The following ANO10 variants were observed in gnomAD, a reference collection of about 807,000 sequenced individuals.
ANO10 encodes the protein anoctamin-10.
ANO10 carries 77 observed loss-of-function variants against 74.7 expected under a neutral mutation model. The observed-to-expected ratio is 1.03, with a 90% CI of 0.86 to 1.25. The LOEUF (loss-of-function observed/expected upper bound fraction) is 1.25. ANO10 is among the 50% of genes most tolerant of loss of function. The pLI, the probability that ANO10 is intolerant of heterozygous loss-of-function variation, is 0.00. For missense variants in ANO10, 721 were observed against 778.1 expected, an observed-to-expected ratio of 0.93 and a Z score of 0.87; for synonymous variants, 279 against 284.9, an observed-to-expected ratio of 0.98 and a Z score of 0.21.
intron 12 of ANO10, among the ~76,000 whole-genome samples, chr3:43,393,450 T>G (rs2092316617): frequency 6.6e-6 from 1 of 152,220 alleles, no homozygotes. Flanking sequence ...ATACCCTCTC[T>G]GGCCACATCC....
At chr3:43,634,949 G>A (rs931331340) in intron 1 of ANO10, among the ~76,000 whole-genome samples, 4 of 152,180 alleles carry the variant, frequency 2.6e-5, no homozygotes, top group Non-Finnish European at 5.9e-5. Flanking sequence ...AAGTGGAATA[G>A]TCAGGCATTC....
intron 1 of ANO10, among the ~76,000 whole-genome samples, chr3:43,618,573 T>C (rs952360687): frequency 2.6e-5 from 4 of 152,158 alleles, no homozygotes; most frequent in East Asian, 1.9e-4. Context: ...CTGGGACAAG[T>C]TGATCACACT....
intron 12 of ANO10, among the ~76,000 whole-genome samples, chr3:43,395,612 G>A (rs968592378): frequency 4.6e-5 from 7 of 151,412 alleles, no homozygotes; most frequent in South Asian, 2.1e-4. Flanking sequence ...GGTTATCACC[G>A]AACTCTATTC....
At chr3:43,449,065 C>G (rs2074725464) in intron 11 of ANO10, among the ~76,000 whole-genome samples, 1 of 151,874 alleles carries the variant, frequency 6.6e-6, no homozygotes, top group Non-Finnish European at 1.5e-5. Flanking sequence ...TTAATAGAGA[C>G]TGGGTTTCAC....
intron 12 of ANO10, among the ~76,000 whole-genome samples, chr3:43,412,474 G>A (rs1559520319): frequency 6.6e-6 from 1 of 152,188 alleles, no homozygotes; most frequent in Non-Finnish European, 1.5e-5. Context: ...CACTGGGCCA[G>A]CTGCTCTGGC....
At chr3:43,571,760 C>T (rs2080735231) in intron 7 of ANO10, among the ~76,000 whole-genome samples, 1 of 149,684 alleles carries the variant, frequency 6.7e-6, no homozygotes, top group South Asian at 2.1e-4. Context: ...GGGTGCAGCG[C>T]ACCAGCATGG....
At chr3:43,486,245 C>T (rs2076483811) in intron 11 of ANO10, among the ~76,000 whole-genome samples, 2 of 152,184 alleles carry the variant, frequency 1.3e-5, no homozygotes, top group Admixed American at 1.3e-4. Context: ...TTTTGCTAGT[C>T]AAGCCTCCTT....
chr3:43,632,279 T>G (rs906154249), intron 1 of ANO10, among the ~76,000 whole-genome samples: 1 of 152,186 alleles, frequency 6.6e-6, no homozygotes, highest in Non-Finnish European at 1.5e-5. Context: ...TAGGCTTCCT[T>G]GTCTTCTGGT....
At chr3:43,609,953 G>A (rs2082733488) in intron 1 of ANO10, among the ~76,000 whole-genome samples, 1 of 152,208 alleles carries the variant, frequency 6.6e-6, no homozygotes, top group Admixed American at 6.5e-5. Context: ...GTATACTACT[G>A]TAGACTTTAT....
chr3:43,410,566 C>G (rs899962666), intron 12 of ANO10, among the ~76,000 whole-genome samples: 12 of 152,124 alleles, frequency 7.9e-5, no homozygotes, highest in Non-Finnish European at 1.3e-4. Context: ...TTTATGACTA[C>G]AAAATTATGA....
intron 12 of ANO10, among the ~76,000 whole-genome samples, chr3:43,368,825 GC>G (rs1179996015): frequency 6.6e-6 from 1 of 152,132 alleles, no homozygotes; most frequent in Admixed American, 6.5e-5. Context: ...GGGACTACGG[GC>G]ATGAGCCACT....
chr3:43,584,491 G>C (rs1324704074), intron 4 of ANO10, among the ~76,000 whole-genome samples: 1 of 152,168 alleles, frequency 6.6e-6, no homozygotes, highest in Non-Finnish European at 1.5e-5. Context: ...GGGAGCCACC[G>C]GACTAAGCAG....
chr3:43,593,899 T>A (rs2081942757), intron 4 of ANO10, among the ~76,000 whole-genome samples: 1 of 151,906 alleles, frequency 6.6e-6, no homozygotes, highest in East Asian at 1.9e-4. Flanking sequence ...AGGCTCAAAA[T>A]AAAGGGATGG....
chr3:43,438,193 G>A (rs4561805), intron 11 of ANO10, among the ~76,000 whole-genome samples: 81,213 of 152,024 alleles, frequency 0.53, 22,509 homozygotes, highest in East Asian at 0.83. Context: ...CAGCACTTTG[G>A]GAGGCCAAGG....
At chr3:43,473,321 C>T (rs137883163) in intron 11 of ANO10, among the ~76,000 whole-genome samples, 127 of 152,032 alleles carry the variant, frequency 8.4e-4, no homozygotes, top group African/African-American at 2.8e-3. Flanking sequence ...TGCCCAGCGC[C>T]GTCTACACTC....
chr3:43,476,589 C>A (rs1368345060), intron 11 of ANO10, among the ~76,000 whole-genome samples: 1 of 152,172 alleles, frequency 6.6e-6, no homozygotes, highest in Non-Finnish European at 1.5e-5. Flanking sequence ...CCTGCCAGCT[C>A]CCTGTTTTCT....
chr3:43,530,377 C>T (rs7631398), intron 11 of ANO10, among the ~76,000 whole-genome samples: 137,120 of 150,260 alleles, frequency 0.91, 62,955 homozygotes, highest in Non-Finnish European at 0.97. Context: ...TTATGTTTAA[C>T]AGGATAGAGG....
At chr3:43,378,810 A>G (rs984559085) in intron 12 of ANO10, among the ~76,000 whole-genome samples, 10 of 152,142 alleles carry the variant, frequency 6.6e-5, no homozygotes, top group African/African-American at 2.2e-4. Flanking sequence ...TGACTTGACT[A>G]TGCTTGATTT....
intron 1 of ANO10, chr3:43,637,821 T>C (rs901514910): frequency 1.4e-4 from 22 of 152,140 alleles, no homozygotes; most frequent in African/African-American, 5.3e-4. Context: ...AAGTAACCAT[T>C]GTTGGAGGAT....
Sources: allele counts gnomAD v4.1 joint callset (sites outside exome capture counted in the v4.1 genomes callset), GRCh38; gene constraint gnomAD v4.1.1; transcripts MANE v1.5; gene names NCBI Gene and HGNC (gene_info 2026-07-23, HGNC 2026-07-21).